The following EIF3L variants were observed in gnomAD, a reference collection of about 807,000 sequenced individuals.
EIF3L encodes eukaryotic translation initiation factor 3 subunit L, also known as eIEF associated protein HSPC021.
In EIF3L, 32 loss-of-function variants were observed where a neutral mutation model predicts 74.6. The ratio of observed to expected loss-of-function variants is 0.43; its 90% CI spans 0.32 to 0.58. EIF3L has a LOEUF of 0.58. EIF3L is among the 20% of genes least tolerant of loss of function. The pLI is 0.06. For missense variants in EIF3L, 474 were observed against 707.8 expected, an observed-to-expected ratio of 0.67 and a Z score of 3.75; for synonymous variants, 256 against 254.4, an observed-to-expected ratio of 1.01 and a Z score of -0.06.
At chr22:37,888,243 C>T (rs529149474) in intron 12 of EIF3L, 183 bp from the exon 13 acceptor site, 24 of 576,290 alleles carry the variant, frequency 4.2e-5, no homozygotes, top group Middle Eastern at 2.9e-4. Context: ...GAATAATCCG[C>T]GTGAACTGTG....
intron 9 of EIF3L, among the ~76,000 whole-genome samples, chr22:37,874,895 A>ATTTTTTTTTT (rs35994639): frequency 5.6e-4 from 63 of 113,494 alleles, no homozygotes; most frequent in Non-Finnish European, 8.0e-4. Flanking sequence ...TGCCCAGCTA[A>ATTTTTTTTTT]TTTTTTTTTT....
chr22:37,878,033 G>A lies in EIF3L; in HGVS notation c.1437G>A (p.Leu479=), dbSNP rs1362004886. Residue 479 remains leucine, a synonymous_variant, in exon 11 of 13, where the codon CTG becomes CTA. Coordinates refer to ENST00000652021, the MANE Select transcript of EIF3L (RefSeq NM_016091.4). ...TMPVAKLAGF[L]DLTEQEFRIQ... ...CTGTGGCCAAGCTGGCTGGCTTCCT[G>A]GACCTCACAGAGCAGGAGTTCCGGA... is the stretch of plus-strand genomic sequence containing the variant. 4.3e-6 allele frequency: 7 copies of A among 1,614,010 alleles called. No homozygotes were observed. Among genetic ancestry groups the A allele is most frequent in the Non-Finnish European group, 5.9e-6 (7 of 1,180,022 alleles).
In EIF3L at chr22:37,858,723, A is replaced by C; in HGVS notation, c.418A>C (p.Ile140Leu). 6.2e-7 allele frequency: 1 copy of C among 1,606,292 alleles called. No individual in the cohort carries two copies. The highest frequency in any genetic ancestry group is 8.5e-7 in the Non-Finnish European group (1 of 1,177,934). ...ATACAAAGAATTATACTACAGGCACATATATGCCAAAGTCAGTGTAAGTAT... is the reference window on the plus strand; with the variant it reads ...ATACAAAGAATTATACTACAGGCACCTATATGCCAAAGTCAGTGTAAGTAT... ...ILYKELYYRH[I>L]YAKVSGGPSL... Residue 140 changes from isoleucine (I) to leucine (L), a missense_variant, in exon 5 of 13, where the codon ATA becomes CTA. Coordinates refer to ENST00000652021, the MANE Select transcript of EIF3L (RefSeq NM_016091.4).
intron 2 of EIF3L, 120 bp downstream of exon 2, chr22:37,850,183 C>T: frequency 1.9e-6 from 2 of 1,048,718 alleles, no homozygotes; most frequent in African/African-American, 3.2e-5. Flanking sequence ...TGGAGTCAGT[C>T]ATTAGCTGCC....
intron 7 of EIF3L, among the ~76,000 whole-genome samples, chr22:37,868,653 TTTTTTTG>T (rs1926306067): frequency 9.0e-6 from 1 of 110,932 alleles, no homozygotes; most frequent in Non-Finnish European, 1.8e-5. Flanking sequence ...TTTTTTTTTT[TTTTTTTG>T]AGACGGAGTT....
At chr22:37,878,601 T>G (rs1160901619) in intron 11 of EIF3L, 1 of 157,052 alleles carries the variant, frequency 6.4e-6, no homozygotes, top group African/African-American at 2.4e-5. Context: ...GTAGCTGGGA[T>G]TACCGGCATG....
chr22:37,850,298 A>T (rs917737490), intron 2 of EIF3L, among the ~76,000 whole-genome samples: 1 of 152,074 alleles, frequency 6.6e-6, no homozygotes, highest in Non-Finnish European at 1.5e-5. Flanking sequence ...TTCTTGTGTA[A>T]ACTATTAGCC....
At chr22:37,865,165 G>GA (rs1474612176) in intron 7 of EIF3L, among the ~76,000 whole-genome samples, 1 of 152,018 alleles carries the variant, frequency 6.6e-6, no homozygotes, top group African/African-American at 2.4e-5. Context: ...GAGAAATAGA[G>GA]ACTACAAAAC....
At chr22:37,872,235 A>T (rs1171271238) in intron 8 of EIF3L, among the ~76,000 whole-genome samples, 1 of 151,870 alleles carries the variant, frequency 6.6e-6, no homozygotes, top group African/African-American at 2.4e-5. Flanking sequence ...CTCCTGTCTC[A>T]GCCTCCAGGG....
intron 3 of EIF3L, 26 bp from the exon 4 acceptor site, chr22:37,855,535 AATTT>A: frequency 6.2e-7 from 1 of 1,603,896 alleles, no homozygotes; most frequent in Non-Finnish European, 8.5e-7. Context: ...GTCCTTTTGG[AATTT>A]TAGAGATTTT....
chr22:37,858,854 T>G lies in EIF3L; in HGVS notation c.435+114T>G. 5 of 975,726 alleles carry G rather than the reference T, an allele frequency of 5.1e-6. No individual in the cohort carries two copies. In the South Asian group the frequency reaches 7.9e-5, roughly 15 times the overall value. The allele number at this position is 975,726 out of a possible 1,614,324, so 60.4% of individuals were successfully genotyped here. On this transcript the variant is annotated intron_variant, in intron 5 of 12. Coordinates refer to ENST00000652021, the MANE Select transcript of EIF3L (RefSeq NM_016091.4). ...TATTGGTTCAGTGTCTGGGCATGATTGGCATGTTTTTGAGTTTTAAGAAGC... is the reference window on the plus strand; with the variant it reads ...TATTGGTTCAGTGTCTGGGCATGATGGGCATGTTTTTGAGTTTTAAGAAGC...
chr22:37,860,620 G>A (rs948593332), intron 5 of EIF3L, among the ~76,000 whole-genome samples: 12 of 152,284 alleles, frequency 7.9e-5, no homozygotes, highest in East Asian at 5.8e-4. Flanking sequence ...TAATCCGCCC[G>A]CCTCGGCTTC....
chr22:37,878,922 A>G (rs2145837357), intron 11 of EIF3L: 1 of 151,212 alleles, frequency 6.6e-6, no homozygotes, highest in South Asian at 2.1e-4. Context: ...TAAGACTTGA[A>G]GGAGGTGAGG....
intron 1 of EIF3L, 172 bp from the exon 2 acceptor site, chr22:37,849,843 C>T (rs1376125139): frequency 2.9e-6 from 2 of 696,908 alleles, no homozygotes; most frequent in Non-Finnish European, 5.0e-6. Context: ...GTTGTATTGT[C>T]ATTGTCTGTT....
At chr22:37,878,403 G>C (rs1487198591) in intron 11 of EIF3L, 2 of 260,002 alleles carry the variant, frequency 7.7e-6, no homozygotes, top group Non-Finnish European at 1.4e-5. Flanking sequence ...AACGTAGTGA[G>C]ACCTTTTCTC....
At chr22:37,863,187 G>C in intron 6 of EIF3L, 85 bp from the exon 7 acceptor site, 2 of 1,298,614 alleles carry the variant, frequency 1.5e-6, no homozygotes, top group Non-Finnish European at 2.2e-6. Context: ...GTCCTTTTAA[G>C]AGAGAAATTA....
At position 37,863,010 on chromosome 22, in the gene EIF3L, C is replaced by T. The variant is rs769396962; in HGVS notation, c.477C>T (p.Asn159=). The T allele has an allele frequency of 5.0e-6, 8 of 1,613,490 alleles. No individual in the cohort carries two copies. Among genetic ancestry groups the T allele is most frequent in the Non-Finnish European group, 6.8e-6 (8 of 1,179,820 alleles). ...AGCAGAGGTTTGAATCCTATTACAA[C>T]TACTGCAATCTCTTCAACTACATTC... The part of the protein sequence containing the change: ...SLEQRFESYY[N]YCNLFNYILN... Residue 159 remains asparagine, a synonymous_variant, in exon 6 of 13, where the codon AAC becomes AAT. Transcript: ENST00000652021.
chr22:37,867,758 T>C (rs1926229410), intron 7 of EIF3L, among the ~76,000 whole-genome samples: 1 of 149,688 alleles, frequency 6.7e-6, no homozygotes, highest in Non-Finnish European at 1.5e-5. Context: ...ATTGAGACCA[T>C]CCTGGCTAAC....
At chr22:37,852,077 T>C (rs900523968) in intron 3 of EIF3L, among the ~76,000 whole-genome samples, 9 of 152,206 alleles carry the variant, frequency 5.9e-5, no homozygotes, top group African/African-American at 2.2e-4. Context: ...GTGCTAGGAT[T>C]ACAAGCGTGA....
Sources: gnomAD v4.1 joint callset for allele counts (sites outside exome capture counted in the v4.1 genomes callset) on GRCh38, gnomAD v4.1.1 for gene constraint, MANE v1.5 for transcripts, NCBI Gene and HGNC (gene_info 2026-07-23, HGNC 2026-07-21) for gene names.